Variants in GABRA3 observed in about 807,000 individuals in gnomAD.
GABRA3 encodes the protein gamma-aminobutyric acid type A receptor subunit alpha3.
Under a neutral mutation model 30.1 loss-of-function variants are expected in GABRA3, and 10 were observed. The ratio of observed to expected loss-of-function variants is 0.33; its 90% CI spans 0.20 to 0.56. The LOEUF is 0.56. Ranked by LOEUF, GABRA3 falls within the 20% of genes least tolerant of loss-of-function variation. The pLI, the probability that GABRA3 is intolerant of heterozygous loss-of-function variation, is 0.89. For synonymous variants in GABRA3, 151 were observed against 146.8 expected (o/e 1.03, Z -0.21); for missense variants, 233 against 392.0 (o/e 0.59, Z 3.42).
intron 5 of GABRA3, among the ~76,000 whole-genome samples, chrX:152,232,405 A>G (rs1037455261): frequency 9.2e-6 from 1 of 108,807 alleles, no homozygotes; most frequent in African/African-American, 3.3e-5. Context: ...CCCTTCCCTC[A>G]CCCCTTCCTA....
intron 5 of GABRA3, among the ~76,000 whole-genome samples, chrX:152,229,544 C>T (rs1035387588): frequency 1.8e-5 from 2 of 110,190 alleles, no homozygotes; most frequent in Non-Finnish European, 3.8e-5. Context: ...CTTGTAGAAA[C>T]CTGGGGAAAG....
At chrX:152,353,293 GT>G (rs1383215407) in intron 2 of GABRA3, among the ~76,000 whole-genome samples, 3 of 111,893 alleles carry the variant, frequency 2.7e-5, no homozygotes, top group African/African-American at 9.7e-5. Context: ...TATTTAATTA[GT>G]ATATGTTGTG....
chrX:152,334,764 A>C (rs1316955721), intron 3 of GABRA3, among the ~76,000 whole-genome samples: 2 of 111,695 alleles, frequency 1.8e-5, no homozygotes, highest in African/African-American at 6.5e-5. Context: ...AAATCAAAAA[A>C]AAATTATTCA....
chrX:152,206,027 G>A (rs902236639), intron 7 of GABRA3, among the ~76,000 whole-genome samples: 6 of 112,741 alleles, frequency 5.3e-5, no homozygotes, highest in Admixed American at 1.9e-4. Flanking sequence ...CACCAACCGC[G>A]GTTTACCAAA....
At chrX:152,287,912 A>C (rs968732836) in intron 3 of GABRA3, among the ~76,000 whole-genome samples, 8 of 110,872 alleles carry the variant, frequency 7.2e-5, no homozygotes, top group Admixed American at 2.0e-4. Flanking sequence ...CCAGTGTACC[A>C]GATCAGCTAG....
At chrX:152,410,211 A>G (rs754523176) in intron 1 of GABRA3, among the ~76,000 whole-genome samples, 36 of 111,980 alleles carry the variant, frequency 3.2e-4, no homozygotes, top group African/African-American at 1.1e-3. Flanking sequence ...GAGGGTTATC[A>G]GACGCAGGGA....
chrX:152,187,623 A>C (rs1212703465), intron 9 of GABRA3, among the ~76,000 whole-genome samples: 1 of 111,717 alleles, frequency 9.0e-6, no homozygotes. Flanking sequence ...AGTTCTTACT[A>C]GTCAGAAGTA....
chrX:152,304,780 T>G (rs1050015851), intron 3 of GABRA3, among the ~76,000 whole-genome samples: 2 of 111,852 alleles, frequency 1.8e-5, no homozygotes, highest in African/African-American at 6.5e-5. Context: ...CTCCTCAGAC[T>G]GTTTTTTTGT....
chrX:152,275,137 ATATAATATAT>A, intron 4 of GABRA3, among the ~76,000 whole-genome samples: 1 of 82,182 alleles, frequency 1.2e-5, no homozygotes, highest in South Asian at 5.2e-4. Flanking sequence ...AATATATATA[ATATAATATAT>A]ATATTTAATA....
intron 3 of GABRA3, among the ~76,000 whole-genome samples, chrX:152,293,744 G>C (rs999661816): frequency 9.0e-6 from 1 of 111,412 alleles, no homozygotes; most frequent in Non-Finnish European, 1.9e-5. Flanking sequence ...AATTTGTCAT[G>C]TTTTTGCAGT....
At chrX:152,332,481 A>G (rs1242519750) in intron 3 of GABRA3, among the ~76,000 whole-genome samples, 4 of 112,513 alleles carry the variant, frequency 3.6e-5, no homozygotes, top group Non-Finnish European at 7.5e-5. Context: ...ACTTAGGTGG[A>G]AGAAAGGGAA....
At chrX:152,407,627 C>T (rs907988013) in intron 1 of GABRA3, among the ~76,000 whole-genome samples, 4 of 111,796 alleles carry the variant, frequency 3.6e-5, no homozygotes, top group African/African-American at 1.3e-4. Context: ...GATGGCTTCA[C>T]TGCCGAATTC....
At chrX:152,348,533 G>T (rs753115204) in intron 2 of GABRA3, among the ~76,000 whole-genome samples, 1 of 111,443 alleles carries the variant, frequency 9.0e-6, no homozygotes, top group African/African-American at 3.3e-5. Context: ...CCTAAAGATG[G>T]ATCAGTGGTA....
At chrX:152,408,420 A>G (rs1445377690) in intron 1 of GABRA3, among the ~76,000 whole-genome samples, 5 of 111,985 alleles carry the variant, frequency 4.5e-5, no homozygotes, top group Non-Finnish European at 7.5e-5. Flanking sequence ...TAGCATGTTT[A>G]TATGTCAGCA....
rs761176755 is a variant in GABRA3 at position 152,290,913 on chromosome X, A to G, written c.263-6178T>C. ...CCAGTAACATGCTGTTTTGGTTACTATAGCTTTGTAGTATAGTTTGAAGTC... is the reference window on the plus strand; with the variant it reads ...CCAGTAACATGCTGTTTTGGTTACTGTAGCTTTGTAGTATAGTTTGAAGTC... On this transcript the variant is annotated intron_variant, in intron 3 of 9. Transcript: ENST00000370314. Among the ~76,000 whole-genome samples the G allele has an allele frequency of 5.4e-4, 60 of 111,733 alleles. 1 individual carries two copies. Among genetic ancestry groups the G allele is most frequent in the Middle Eastern group, 9.3e-3 (2 of 214 alleles).
intron 9 of GABRA3, among the ~76,000 whole-genome samples, chrX:152,183,751 T>G (rs1394500928): frequency 9.0e-6 from 1 of 111,703 alleles, no homozygotes; most frequent in Non-Finnish European, 1.9e-5. Flanking sequence ...TGGTACACTG[T>G]AGGTCTATTT....
At chrX:152,277,807 TA>T (rs1939115548) in intron 4 of GABRA3, among the ~76,000 whole-genome samples, 1 of 112,067 alleles carries the variant, frequency 8.9e-6, no homozygotes, top group South Asian at 3.7e-4. Flanking sequence ...AGATGACACT[TA>T]GTTCTTGGGG....
In GABRA3 at chrX:152,208,018, ATC is replaced by A; in HGVS notation, c.759_760del (p.Glu253AspfsTer5). 1 of 1,211,669 alleles carries A rather than the reference ATC, an allele frequency of 8.3e-7. No individual in the cohort carries two copies. The highest frequency in any genetic ancestry group is 2.3e-4 in the Middle Eastern group (1 of 4,355). Reference sequence around the variant, plus strand: ...TTAAATACCTGTACTAGACCGGATTATCTCTGTCCCAACAACATGGCCCAAAA... The same window carrying A: ...TTAAATACCTGTACTAGACCGGATTATCTGTCCCAACAACATGGCCCAAAA... On this transcript the variant is annotated frameshift_variant, in exon 7 of 10. Coordinates refer to ENST00000370314, the MANE Select transcript of GABRA3 (RefSeq NM_000808.4). LOFTEE classifies it high-confidence loss of function.
intron 1 of GABRA3, among the ~76,000 whole-genome samples, chrX:152,403,815 C>T (rs916856471): frequency 9.0e-6 from 1 of 110,699 alleles, no homozygotes; most frequent in East Asian, 2.9e-4. Flanking sequence ...CCTACAGTAT[C>T]ACAGAGGTGG....
Sources: allele counts gnomAD v4.1 joint callset (sites outside exome capture counted in the v4.1 genomes callset), GRCh38; gene constraint gnomAD v4.1.1; transcripts MANE v1.5; gene names NCBI Gene and HGNC (gene_info 2026-07-23, HGNC 2026-07-21).